METTL27: variants seen among roughly 807,000 people sequenced by gnomAD.
METTL27 encodes methyltransferase-like protein 27.
METTL27 carries 29 observed loss-of-function variants against 24.5 expected under a neutral mutation model. The observed-to-expected ratio is 1.18, with a 90% CI of 0.88 to 1.61. The LOEUF is 1.61. Ranked by LOEUF, METTL27 falls within the 40% of genes most tolerant of loss-of-function variation. METTL27 has a pLI of 0.00. For synonymous variants in METTL27, 138 were observed against 146.8 expected (o/e 0.94, Z 0.43); for missense variants, 341 against 324.3 (o/e 1.05, Z -0.40).
chr7:73,835,815 T>C (rs1403813618), intron 5 of METTL27, among the ~76,000 whole-genome samples: 1 of 106,648 alleles, frequency 9.4e-6, no homozygotes, highest in African/African-American at 3.2e-5. Flanking sequence ...GAGGAGCGTC[T>C]CTGCCCGGCC....
At position 73,842,510 on chromosome 7, in the gene METTL27, G is replaced by A; in HGVS notation, c.-25C>T. 4.8e-6 allele frequency: 1 copy of A among 207,922 alleles called. No homozygotes were observed. Among genetic ancestry groups the A allele is most frequent in the Non-Finnish European group, 9.5e-6 (1 of 104,884 alleles). 12.9% of individuals were successfully genotyped at this position (207,922 alleles called of 1,614,324 possible). On this transcript the variant is annotated 5_prime_UTR_variant, in exon 1 of 6. Coordinates refer to ENST00000297873, the MANE Select transcript of METTL27 (RefSeq NM_152559.3). The stretch of plus-strand genomic sequence containing the variant: ...CTCACCGCCAATCCAGCGCGCCTCG[G>A]GCGTGTGGGCAACAGGACTCGGGGC...
rs1013355380 is a variant in METTL27, at chr7:73,840,500, C to T, written c.302G>A (p.Gly101Glu). Residue 101 changes from glycine (G) to glutamate (E), a missense_variant, in exon 4 of 6, where the codon GGG becomes GAG. Physicochemically the swap from Gly to Glu is moderately conservative, Grantham distance 98 (BLOSUM62 -2). Transcript: ENST00000297873. ...LQLHGVDGSP[G>E]MLEQAQAPGL... ...GGGGGCCTGGGCCTGTTCCAGCATC[C>T]CTGGGCTCCCATCCACCCCATGCAG... is the stretch of plus-strand genomic sequence containing the variant. The T allele has an allele frequency of 1.9e-6, 3 of 1,611,254 alleles. No individual in the cohort carries two copies. Among genetic ancestry groups the T allele is most frequent in the Non-Finnish European group, 2.5e-6 (3 of 1,179,200 alleles).
intron 4 of METTL27, 24 bp from the exon 5 acceptor site, chr7:73,840,144 G>C: frequency 7.1e-7 from 1 of 1,407,274 alleles, no homozygotes; most frequent in Non-Finnish European, 9.8e-7. Flanking sequence ...GGGGGGGGTG[G>C]GGACATGGTG....
At chr7:73,838,827 G>GGCAAGGGGT (rs60554617) in intron 5 of METTL27, among the ~76,000 whole-genome samples, 102,208 of 151,914 alleles carry the variant, frequency 0.67, 34,831 homozygotes, top group Non-Finnish European at 0.74. Context: ...TGCTGGGCCT[G>GGCAAGGGGT]GCAGAGACGG....
intron 5 of METTL27, among the ~76,000 whole-genome samples, chr7:73,837,886 A>G (rs1269376701): frequency 1.3e-5 from 2 of 149,424 alleles, no homozygotes; most frequent in African/African-American, 2.5e-5. Flanking sequence ...ATCTCACCCT[A>G]TTTCCTAGGC....
intron 5 of METTL27, 141 bp from the exon 6 acceptor site, chr7:73,835,143 C>CCTT (rs1554634838): frequency 5.0e-6 from 5 of 996,382 alleles, no homozygotes; most frequent in Non-Finnish European, 6.6e-6. Flanking sequence ...CTCTCCCTCT[C>CCTT]CCTCTCCCTC....
chr7:73,842,295 C>T (rs908670302), intron 1 of METTL27, among the ~76,000 whole-genome samples, 151 bp from the exon 2 acceptor site: 4 of 152,016 alleles, frequency 2.6e-5, no homozygotes, highest in African/African-American at 9.7e-5. Flanking sequence ...GGACACTGAG[C>T]GCAGAGAGGG....
rs1554636375 is a variant in METTL27, at chr7:73,841,158, A to G, written c.164T>C (p.Val55Ala). 16 of 1,548,320 alleles carry G rather than the reference A, an allele frequency of 1.0e-5. No individual in the cohort carries two copies. Among genetic ancestry groups the G allele is most frequent in the Admixed American group, 2.2e-5 (1 of 45,110 alleles). Residue 55 changes from valine (V) to alanine (A), a missense_variant, in exon 3 of 6, where the codon GTG (valine) becomes GCG (alanine). Coordinates refer to ENST00000297873, the MANE Select transcript of METTL27 (RefSeq NM_152559.3). ...TLLYRAPRLA[V>A]DCLTQALPGP... ...TGGAAGGGCTTGTGTGAGGCAGTCC[A>G]CTGCGAGGCGGGGCGCACGGTACAG...
Position 73,837,317 on chromosome 7 carries a change from T to TAAA in METTL27, c.479-2318_479-2316dup, listed in dbSNP as rs56009726. Among the ~76,000 whole-genome samples, 24 of 137,440 alleles carry TAAA rather than the reference T, an allele frequency of 1.7e-4. No homozygotes were observed. The South Asian group carries it at 2.1e-3, about 12-fold the overall frequency. 90.2% of individuals were successfully genotyped at this position (137,440 alleles called of 152,430 possible). ...AATAAATAAATAAATTTAAAAAAAA[T>TAAA]AAAAAAAAATAAAAAGTCAATCAAT... is the stretch of plus-strand genomic sequence containing the variant. On this transcript the variant is annotated intron_variant, in intron 5 of 5. Coordinates refer to ENST00000297873, the MANE Select transcript of METTL27 (RefSeq NM_152559.3).
At position 73,836,770 on chromosome 7, in the gene METTL27, G is replaced by A. The variant is rs1156422051; in HGVS notation, c.479-1768C>T. Among the ~76,000 whole-genome samples, 11 of 81,502 alleles carry A rather than the reference G, an allele frequency of 1.3e-4. 3 individuals are homozygous for A. Among genetic ancestry groups the A allele is most frequent in the African/African-American group, 3.3e-4 (9 of 27,572 alleles). The allele number at this position is 81,502 out of a possible 152,430, so 53.5% of individuals were successfully genotyped here. A position where few individuals can be genotyped will look rare whatever the true frequency, so the allele number is the denominator to read the frequency against. ...AGCCCCTCTGCCCGGCCACCACCCC[G>A]TCTGGGAGGTGTGCCCAACAGCTCA... On this transcript the variant is annotated intron_variant, in intron 5 of 5. Transcript: ENST00000297873.
At chr7:73,839,647 C>G (rs1158441620) in intron 5 of METTL27, 1 of 193,356 alleles carries the variant, frequency 5.2e-6, no homozygotes, top group South Asian at 1.7e-4. Flanking sequence ...GAGGAAGGAA[C>G]AGAACTGAGC....
chr7:73,840,681 C>T (rs1788328951), intron 3 of METTL27, 132 bp from the exon 4 acceptor site: 2 of 1,299,206 alleles, frequency 1.5e-6, no homozygotes, highest in Admixed American at 3.0e-5. Flanking sequence ...ATTTTTGAGA[C>T]AAGGTCTCTC....
rs1356450034 is a variant in METTL27 at position 73,834,734 on chromosome 7, G to A, written c.*9C>T. 6.2e-7 allele frequency: 1 copy of A among 1,611,416 alleles called. No homozygotes were observed. Among genetic ancestry groups the A allele is most frequent in the Non-Finnish European group, 8.5e-7 (1 of 1,178,560 alleles). On this transcript the variant is annotated 3_prime_UTR_variant, in exon 6 of 6. Coordinates refer to ENST00000297873, the MANE Select transcript of METTL27 (RefSeq NM_152559.3). ...AGTCAGGGGCCAGCTGGGGGCTGGG[G>A]GCTGGATCTCACTTCCTCAACCTGG...
chr7:73,841,939 G>A (rs1788371708), intron 2 of METTL27, 79 bp downstream of exon 2: 2 of 1,608,840 alleles, frequency 1.2e-6, no homozygotes, highest in African/African-American at 2.7e-5. Context: ...GCCGCCCCCG[G>A]GTGCAAGGCT....
chr7:73,834,877 C>A lies in METTL27; in HGVS notation c.604G>T (p.Asp202Tyr), dbSNP rs1554634739. ...MWEGLVAWPVDRLWTAGSWLP... is the reference protein window; with the variant it reads ...MWEGLVAWPVYRLWTAGSWLP... ...CAGCTCCCAGCGGTCCACAGGCGGT[C>A]CACAGGCCAGGCCACCAGGCCTTCC... The change falls in exon 6 of 6, where the codon GAC becomes TAC. Residue 202 changes from aspartate to tyrosine, a missense_variant. Asp to Tyr is a radical substitution (Grantham distance 160). Coordinates refer to ENST00000297873, the MANE Select transcript of METTL27 (RefSeq NM_152559.3). 6.2e-7 allele frequency: 1 copy of A among 1,613,838 alleles called. No individual in the cohort carries two copies. Among genetic ancestry groups the A allele is most frequent in the Non-Finnish European group, 8.5e-7 (1 of 1,179,816 alleles).
At chr7:73,841,350 T>A in intron 2 of METTL27, 152 bp from the exon 3 acceptor site, 1 of 1,173,980 alleles carries the variant, frequency 8.5e-7, no homozygotes, top group Non-Finnish European at 1.1e-6. Context: ...AGGCATGAGG[T>A]GCTTCCCATT....
In METTL27 at chr7:73,842,472, G is replaced by A. The variant is rs1584342687; in HGVS notation, c.-5+18C>T. The A allele has an allele frequency of 6.6e-6, 2 of 301,774 alleles. No homozygotes were observed. The highest frequency in any genetic ancestry group is 5.2e-5 in the Admixed American group (1 of 19,204). 18.7% of individuals were successfully genotyped at this position (301,774 alleles called of 1,614,324 possible). ...CCGGAGCGAAACGGTCTCGAAGGAG[G>A]CCGGAGTCAGAACTCACCGCCAATC... On this transcript the variant is annotated intron_variant, in intron 1 of 5. Transcript: ENST00000297873.
rs782799377 is a variant in METTL27, at chr7:73,842,175, T to C, written c.-4-31A>G. On this transcript the variant is annotated intron_variant, in intron 1 of 5. Transcript: ENST00000297873. Reference sequence around the variant, plus strand: ...GGGACACCGTTGCCCTGTCTCGAGGTCCACCTCAATCGCCCATCCCCTCCT... The same window carrying C: ...GGGACACCGTTGCCCTGTCTCGAGGCCCACCTCAATCGCCCATCCCCTCCT... The C allele has an allele frequency of 1.9e-6, 3 of 1,577,498 alleles. No individual in the cohort carries two copies. The South Asian group carries it at 3.4e-5, about 18-fold the overall frequency.
chr7:73,839,325 C>T (rs781910295), intron 5 of METTL27, among the ~76,000 whole-genome samples: 12 of 152,136 alleles, frequency 7.9e-5, no homozygotes, highest in East Asian at 1.9e-4. Context: ...TGAGCACTCA[C>T]GGCTCTCGTG....
Sources: gnomAD v4.1 joint callset for allele counts (sites outside exome capture counted in the v4.1 genomes callset) on GRCh38, gnomAD v4.1.1 for gene constraint, MANE v1.5 for transcripts, NCBI Gene and HGNC (gene_info 2026-07-23, HGNC 2026-07-21) for gene names.